The following LHFPL2 variants were observed in gnomAD, a reference collection of about 807,000 sequenced individuals.
The protein encoded by LHFPL2 is LHFPL tetraspan subfamily member 2, also known as LHFPL tetraspan subfamily member 2 protein.
Under a neutral mutation model 17.5 loss-of-function variants are expected in LHFPL2, and 7 were observed. The ratio of observed to expected loss-of-function variants is 0.40; its 90% CI spans 0.23 to 0.75. LHFPL2 has a LOEUF of 0.75. Among genes scored for constraint, LHFPL2 ranks in the 30% least tolerant of loss-of-function variants. LHFPL2 has a pLI of 0.37. For synonymous variants in LHFPL2, 134 were observed against 116.2 expected (o/e 1.15, Z -0.99); for missense variants, 241 against 294.8 (o/e 0.82, Z 1.34).
intron 3 of LHFPL2, among the ~76,000 whole-genome samples, chr5:78,518,897 A>C (rs550479056): frequency 6.6e-6 from 1 of 152,346 alleles, no homozygotes; most frequent in South Asian, 2.1e-4. Context: ...GATGTCCCAG[A>C]AGCAGTGAGG....
chr5:78,559,215 T>C (rs993847775), intron 3 of LHFPL2, among the ~76,000 whole-genome samples: 11 of 152,258 alleles, frequency 7.2e-5, no homozygotes, highest in African/African-American at 2.7e-4. Flanking sequence ...TCCCAAATTA[T>C]ATTATTTTGT....
intron 3 of LHFPL2, among the ~76,000 whole-genome samples, chr5:78,549,762 C>T (rs1756387568): frequency 6.6e-6 from 1 of 152,200 alleles, no homozygotes; most frequent in South Asian, 2.1e-4. Context: ...TGTCTTGCTG[C>T]CTTAATACAT....
chr5:78,564,400 C>T (rs2112415507), intron 3 of LHFPL2, among the ~76,000 whole-genome samples: 1 of 152,238 alleles, frequency 6.6e-6, no homozygotes, highest in Admixed American at 6.5e-5. Flanking sequence ...TATGAGCTAT[C>T]ACTGAGTAAT....
chr5:78,551,907 G>C (rs777538159), intron 3 of LHFPL2, among the ~76,000 whole-genome samples: 11 of 152,188 alleles, frequency 7.2e-5, no homozygotes, highest in Admixed American at 2.0e-4. Context: ...GAGAGGCCAA[G>C]AGGAATCTAG....
At chr5:78,492,572 C>G (rs144494913) in intron 4 of LHFPL2, among the ~76,000 whole-genome samples, 3 of 152,212 alleles carry the variant, frequency 2.0e-5, no homozygotes, top group Non-Finnish European at 4.4e-5. Flanking sequence ...TGCCCTGAGG[C>G]GCTCCCTTTT....
At chr5:78,535,462 G>A (rs1755919812) in intron 3 of LHFPL2, among the ~76,000 whole-genome samples, 1 of 152,172 alleles carries the variant, frequency 6.6e-6, no homozygotes, top group African/African-American at 2.4e-5. Flanking sequence ...GTGAGGGGAG[G>A]AATAAAGGAG....
chr5:78,548,230 C>T (rs988161199), intron 3 of LHFPL2, among the ~76,000 whole-genome samples: 5 of 152,216 alleles, frequency 3.3e-5, no homozygotes, highest in East Asian at 3.9e-4. Flanking sequence ...CTCCCAGCTA[C>T]GGTACATAAG....
chr5:78,547,602 A>C (rs1756318495), intron 3 of LHFPL2, among the ~76,000 whole-genome samples: 1 of 152,234 alleles, frequency 6.6e-6, no homozygotes, highest in Admixed American at 6.5e-5. Flanking sequence ...GGTGGAATAC[A>C]CAGTCCTTCC....
At chr5:78,642,972 C>A (rs1022465952) in intron 1 of LHFPL2, among the ~76,000 whole-genome samples, 1 of 151,592 alleles carries the variant, frequency 6.6e-6, no homozygotes, top group African/African-American at 2.4e-5. Context: ...CACCTTGTTC[C>A]CCCCCCTCCT....
intron 3 of LHFPL2, among the ~76,000 whole-genome samples, chr5:78,526,726 CCA>C (rs1373655622): frequency 6.6e-6 from 1 of 152,156 alleles, no homozygotes; most frequent in African/African-American, 2.4e-5. Flanking sequence ...TGATTTTTTA[CCA>C]TGATATGCTA....
intron 4 of LHFPL2, among the ~76,000 whole-genome samples, chr5:78,509,157 AGTTC>A (rs1755024694): frequency 6.6e-6 from 1 of 152,258 alleles, no homozygotes. Flanking sequence ...AAAATGGAAG[AGTTC>A]GCTTGCATTT....
chr5:78,641,725 A>T (rs1745666023), intron 1 of LHFPL2, among the ~76,000 whole-genome samples: 1 of 152,208 alleles, frequency 6.6e-6, no homozygotes, highest in African/African-American at 2.4e-5. Flanking sequence ...TGTCAAAATC[A>T]AAGTTGGGTG....
chr5:78,632,798 C>G (rs966676284), intron 1 of LHFPL2, among the ~76,000 whole-genome samples: 1 of 152,098 alleles, frequency 6.6e-6, no homozygotes, highest in East Asian at 1.9e-4. Context: ...GAGGAAAATA[C>G]AAGGGTATAT....
chr5:78,609,231 A>G (rs1310118616), intron 2 of LHFPL2, among the ~76,000 whole-genome samples: 1 of 151,786 alleles, frequency 6.6e-6, no homozygotes, highest in African/African-American at 2.4e-5. Context: ...TGGGCAGATC[A>G]CCTGAGGTCA....
At chr5:78,489,198 T>G in intron 4 of LHFPL2, 45 bp from the exon 5 acceptor site, 1 of 1,607,072 alleles carries the variant, frequency 6.2e-7, no homozygotes. Context: ...CCCATGGTGC[T>G]ACAACTGTCC....
intron 4 of LHFPL2, among the ~76,000 whole-genome samples, chr5:78,498,927 A>G (rs10044028): frequency 0.8 from 121,758 of 152,178 alleles, 49,128 homozygotes; most frequent in East Asian, 0.92. Flanking sequence ...GGCCTGAACT[A>G]CGATTCCACT....
intron 2 of LHFPL2, among the ~76,000 whole-genome samples, chr5:78,596,057 T>C (rs1743812025): frequency 6.6e-6 from 1 of 152,162 alleles, no homozygotes; most frequent in Non-Finnish European, 1.5e-5. Context: ...CATTCTTTCA[T>C]CAGTTAAAAA....
intron 1 of LHFPL2, among the ~76,000 whole-genome samples, chr5:78,645,368 C>T (rs1371586688): frequency 6.6e-6 from 1 of 151,766 alleles, no homozygotes; most frequent in Non-Finnish European, 1.5e-5. Flanking sequence ...TAGGTATTTG[C>T]TGAATGACTG....
At chr5:78,560,546 T>C (rs1273606566) in intron 3 of LHFPL2, among the ~76,000 whole-genome samples, 2 of 152,198 alleles carry the variant, frequency 1.3e-5, no homozygotes, top group Admixed American at 6.5e-5. Flanking sequence ...ATCATTTAGC[T>C]GAAAACACTG....
Sources: gnomAD v4.1 joint callset for allele counts (sites outside exome capture counted in the v4.1 genomes callset) on GRCh38, gnomAD v4.1.1 for gene constraint, MANE v1.5 for transcripts, NCBI Gene and HGNC (gene_info 2026-07-23, HGNC 2026-07-21) for gene names.